The following BCAT1 variants were observed in gnomAD, a reference collection of about 807,000 sequenced individuals.
The protein encoded by BCAT1 is branched chain amino acid transaminase 1.
In BCAT1, 48 loss-of-function variants were observed where a neutral mutation model predicts 52.4. The ratio of observed to expected loss-of-function variants is 0.92; its 90% CI spans 0.73 to 1.16. The LOEUF is 1.16. BCAT1 is among the 50% of genes most tolerant of loss of function. The pLI, the probability that BCAT1 is intolerant of heterozygous loss-of-function variation, is 0.00. For synonymous variants in BCAT1, 167 were observed against 161.3 expected, an observed-to-expected ratio of 1.04 and a Z score of -0.27; for missense variants, 451 against 457.1, an observed-to-expected ratio of 0.99 and a Z score of 0.12.
intron 1 of BCAT1, among the ~76,000 whole-genome samples, chr12:24,941,222 T>C (rs902004554): frequency 3.9e-5 from 6 of 152,230 alleles, no homozygotes; most frequent in Middle Eastern, 6.3e-3. Context: ...CTACAATCAA[T>C]TTAAAATCAA....
chr12:24,855,222 G>T (rs1412476331), intron 5 of BCAT1, among the ~76,000 whole-genome samples: 2 of 150,790 alleles, frequency 1.3e-5, no homozygotes, highest in African/African-American at 4.9e-5. Flanking sequence ...CCATCATATG[G>T]ATCCTCCAGA....
In BCAT1 at chr12:24,849,814, C is replaced by T. The variant is rs896459813; in HGVS notation, c.646G>A (p.Gly216Ser). ...CCCATCTTGCAGTCCCCAGTTCCAC[C>T]TTTCCAGGCTCTTACATACTTGGGA... is the stretch of plus-strand genomic sequence containing the variant. Reference protein sequence around the residue: ...ANPKYVRAWKGGTGDCKMGGN... With the variant: ...ANPKYVRAWKSGTGDCKMGGN... Residue 216 changes from glycine (G) to serine (S), a missense_variant, in exon 6 of 11, where the codon GGT (glycine) becomes AGT (serine). Transcript: ENST00000261192. 3.7e-6 allele frequency: 6 copies of T among 1,612,352 alleles called. No individual in the cohort carries two copies. Among genetic ancestry groups the T allele is most frequent in the Non-Finnish European group, 3.4e-6 (4 of 1,178,820 alleles).
In BCAT1 at chr12:24,815,493, T is replaced by A. The variant is rs1314087358; in HGVS notation, c.*2515A>T. On this transcript the variant is annotated 3_prime_UTR_variant, in exon 11 of 11. Transcript: ENST00000261192. Reference sequence around the variant, plus strand: ...GTGACAATAACTAAGTCTTGAAGAATGGATAATTGCCTAGTTATAATGTGG... The same window carrying A: ...GTGACAATAACTAAGTCTTGAAGAAAGGATAATTGCCTAGTTATAATGTGG... 1 of 152,654 alleles carries A rather than the reference T, an allele frequency of 6.6e-6. No individual in the cohort carries two copies. The highest frequency in any genetic ancestry group is 1.5e-5 in the Non-Finnish European group (1 of 68,054). The allele number at this position is 152,654 out of a possible 1,614,324, so 9.5% of individuals were successfully genotyped here.
At chr12:24,851,890 G>T (rs1941525303) in intron 5 of BCAT1, among the ~76,000 whole-genome samples, 1 of 152,030 alleles carries the variant, frequency 6.6e-6, no homozygotes, top group African/African-American at 2.4e-5. Flanking sequence ...CATTTCATGG[G>T]TGCCTTGAAG....
At chr12:24,853,688 CGAT>C (rs1409717221) in intron 5 of BCAT1, among the ~76,000 whole-genome samples, 3 of 151,990 alleles carry the variant, frequency 2.0e-5, no homozygotes, top group African/African-American at 4.8e-5. Flanking sequence ...CAAAATCCCA[CGAT>C]GATAAGTTCA....
At chr12:24,875,121 T>C in intron 5 of BCAT1, among the ~76,000 whole-genome samples, 1 of 151,886 alleles carries the variant, frequency 6.6e-6, no homozygotes, top group East Asian at 1.9e-4. Flanking sequence ...TAAGTAAAGC[T>C]AGTCATCTCT....
chr12:24,849,935 G>C lies in BCAT1; in HGVS notation c.525C>G (p.Val175=). Reference sequence around the variant, plus strand: ...AGAGCAGGGCTTTGGTAGGCTTCTTGACTCCAAGAGAAGGCTGCAACAAAG... The same window carrying C: ...AGAGCAGGGCTTTGGTAGGCTTCTTCACTCCAAGAGAAGGCTGCAACAAAG... The part of the protein sequence containing the change: ...TFIGTEPSLG[V]KKPTKALLFV... The change falls in exon 6 of 11, where the codon GTC becomes GTG. Residue 175 remains valine (V), a synonymous_variant. Coordinates refer to ENST00000261192, the MANE Select transcript of BCAT1 (RefSeq NM_005504.7). 1.2e-6 allele frequency: 2 copies of C among 1,608,080 alleles called. No homozygotes were observed. Among genetic ancestry groups the C allele is most frequent in the Non-Finnish European group, 1.7e-6 (2 of 1,176,034 alleles).
intron 5 of BCAT1, among the ~76,000 whole-genome samples, chr12:24,850,187 G>T (rs1312486699): frequency 6.6e-6 from 1 of 152,152 alleles, no homozygotes; most frequent in East Asian, 1.9e-4. Flanking sequence ...TAGCAAAAAA[G>T]CTAGATTTGT....
chr12:24,919,286 C>G (rs542739308), intron 1 of BCAT1, among the ~76,000 whole-genome samples: 2 of 152,324 alleles, frequency 1.3e-5, no homozygotes, highest in East Asian at 3.9e-4. Flanking sequence ...CTAACTTCCT[C>G]GCATTTCTGG....
At chr12:24,918,797 G>T (rs1943457624) in intron 1 of BCAT1, among the ~76,000 whole-genome samples, 1 of 152,176 alleles carries the variant, frequency 6.6e-6, no homozygotes, top group Non-Finnish European at 1.5e-5. Flanking sequence ...CCTGTCCTGT[G>T]TACTTCTCTG....
chr12:24,836,879 GAGAA>G (rs147886488), intron 7 of BCAT1, among the ~76,000 whole-genome samples: 30,725 of 87,492 alleles, frequency 0.35, 5,724 homozygotes, highest in Non-Finnish European at 0.42. Context: ...GAAAGAGAAA[GAGAA>G]AGAAAGAAAG....
chr12:24,916,753 C>T (rs1026502535), intron 1 of BCAT1, among the ~76,000 whole-genome samples: 3 of 152,110 alleles, frequency 2.0e-5, no homozygotes, highest in Non-Finnish European at 4.4e-5. Context: ...CTTGGCCAGG[C>T]TGTTCTCAAA....
chr12:24,839,324 A>AGTCC (rs1237348158), intron 7 of BCAT1, among the ~76,000 whole-genome samples: 1 of 152,218 alleles, frequency 6.6e-6, no homozygotes, highest in African/African-American at 2.4e-5. Context: ...CTCCAAGTCG[A>AGTCC]GTCCGTATAC....
chr12:24,831,099 C>A (rs1555364154), intron 9 of BCAT1, among the ~76,000 whole-genome samples: 1 of 151,530 alleles, frequency 6.6e-6, no homozygotes, highest in Non-Finnish European at 1.5e-5. Flanking sequence ...CAAGACCAAT[C>A]CCTCCTCCTC....
intron 1 of BCAT1, among the ~76,000 whole-genome samples, chr12:24,926,169 C>A (rs536346276): frequency 6.6e-6 from 1 of 151,890 alleles, no homozygotes; most frequent in African/African-American, 2.4e-5. Context: ...GGCCGCCCAT[C>A]GTCTGAGATG....
At chr12:24,922,190 A>G (rs1943508196) in intron 1 of BCAT1, among the ~76,000 whole-genome samples, 1 of 152,162 alleles carries the variant, frequency 6.6e-6, no homozygotes, top group South Asian at 2.1e-4. Flanking sequence ...CTCTCATTAC[A>G]TTGTCCAGGC....
chr12:24,849,869 T>C lies in BCAT1; in HGVS notation c.591A>G (p.Gly197=). Residue 197 remains glycine, a synonymous_variant, in exon 6 of 11, where the codon GGA becomes GGG. Transcript: ENST00000261192. ...LSPVGPYFSS[G]TFNPVSLWAN... ...CCCACAGGGACACTGGATTAAAGGT[T>C]CCACTTGAAAAATAAGGTCCCACTG... 1 of 1,613,860 alleles carries C rather than the reference T, an allele frequency of 6.2e-7. No individual in the cohort carries two copies. Among genetic ancestry groups the C allele is most frequent in the Non-Finnish European group, 8.5e-7 (1 of 1,179,820 alleles).
intron 5 of BCAT1, among the ~76,000 whole-genome samples, chr12:24,857,612 T>A (rs187376021): frequency 6.6e-6 from 1 of 152,212 alleles, no homozygotes; most frequent in South Asian, 2.1e-4. Context: ...TGAGAGGACC[T>A]AAGATCATTT....
intron 1 of BCAT1, among the ~76,000 whole-genome samples, chr12:24,925,205 G>A (rs1185194754): frequency 6.6e-6 from 1 of 152,170 alleles, no homozygotes; most frequent in Non-Finnish European, 1.5e-5. Context: ...GGCCTTAACA[G>A]CAAAAAAGAC....
Sources: gnomAD v4.1 joint callset for allele counts (sites outside exome capture counted in the v4.1 genomes callset) on GRCh38, gnomAD v4.1.1 for gene constraint, MANE v1.5 for transcripts, NCBI Gene and HGNC (gene_info 2026-07-23, HGNC 2026-07-21) for gene names.